The following MAGI2 variants were observed in gnomAD, a reference collection of about 807,000 sequenced individuals.
MAGI2 encodes membrane-associated guanylate kinase, WW and PDZ domain-containing protein 2.
A neutral mutation model predicts 133.3 loss-of-function variants in MAGI2; 35 were observed. The observed-to-expected ratio is 0.26, with a 90% confidence interval of 0.20 to 0.35. The LOEUF is 0.35. Ranked by LOEUF, MAGI2 falls within the 10% of genes least tolerant of loss-of-function variation. The probability of loss-of-function intolerance (pLI) is 1.00; values close to 1 mark genes in which losing one functional copy is unlikely to be tolerated. For missense variants in MAGI2, 1,636 were observed against 1,863.4 expected, an observed-to-expected ratio of 0.88 and a Z score of 2.25; for synonymous variants, 729 against 710.6, an observed-to-expected ratio of 1.03 and a Z score of -0.41.
At chr7:78,279,759 G>C (rs1011688149) in intron 9 of MAGI2, among the ~76,000 whole-genome samples, 44 of 152,242 alleles carry the variant, frequency 2.9e-4, no homozygotes, top group African/African-American at 1.1e-3. Flanking sequence ...CCTTCCCATT[G>C]AGGCTACAGT....
intron 1 of MAGI2, among the ~76,000 whole-genome samples, chr7:79,069,804 T>C (rs1319885328): frequency 6.6e-6 from 1 of 152,212 alleles, no homozygotes; most frequent in Non-Finnish European, 1.5e-5. Flanking sequence ...GGCCTGGTGG[T>C]GACAAAATCT....
chr7:78,703,755 T>C lies in MAGI2; in HGVS notation c.419-76516A>G, dbSNP rs191484982. Reference sequence around the variant, plus strand: ...ACTTAGTTTATATACCATGCCACCATGGGTTTATTGATTTGGTCTTTTTCT... The same window carrying C: ...ACTTAGTTTATATACCATGCCACCACGGGTTTATTGATTTGGTCTTTTTCT... On this transcript the variant is annotated intron_variant, in intron 2 of 21. Coordinates refer to ENST00000354212, the MANE Select transcript of MAGI2 (RefSeq NM_012301.4). 5.6e-4 allele frequency among the ~76,000 whole-genome samples: 85 copies of C among 152,120 alleles called. 1 individual carries two copies. The highest frequency in any genetic ancestry group is 1.8e-3 in the African/African-American group (74 of 41,528).
At chr7:79,387,310 A>C (rs1844260695) in intron 1 of MAGI2, among the ~76,000 whole-genome samples, 1 of 151,844 alleles carries the variant, frequency 6.6e-6, no homozygotes, top group Non-Finnish European at 1.5e-5. Flanking sequence ...TTCTGTGTAG[A>C]CCATAGTCAC....
At position 78,380,223 on chromosome 7, in the gene MAGI2, T is replaced by A. The variant is rs545812595; in HGVS notation, c.1046-11010A>T. On this transcript the variant is annotated intron_variant, in intron 6 of 21. Transcript: ENST00000354212. Reference sequence around the variant, plus strand: ...GTACAAAATAGACTATTTCTTTTTTTAAAAAAGCAAAATAAACACTAGCTA... The same window carrying A: ...GTACAAAATAGACTATTTCTTTTTTAAAAAAAGCAAAATAAACACTAGCTA... Among the ~76,000 whole-genome samples, 242 of 151,918 alleles carry A rather than the reference T, an allele frequency of 1.6e-3. 1 individual carries two copies. The highest frequency in any genetic ancestry group is 5.3e-3 in the African/African-American group (220 of 41,460).
chr7:78,129,535 A>G (rs1279679400), intron 18 of MAGI2, among the ~76,000 whole-genome samples: 1 of 152,264 alleles, frequency 6.6e-6, no homozygotes, highest in Non-Finnish European at 1.5e-5. Context: ...GAGATTTTAG[A>G]AATGATAAAA....
At chr7:78,198,288 T>C (rs1450736377) in intron 11 of MAGI2, among the ~76,000 whole-genome samples, 1 of 152,196 alleles carries the variant, frequency 6.6e-6, no homozygotes, top group African/African-American at 2.4e-5. Flanking sequence ...GAGAGAAGTC[T>C]GTATCTCTTG....
At chr7:79,447,496 T>C (rs1482148313) in intron 1 of MAGI2, among the ~76,000 whole-genome samples, 3 of 152,052 alleles carry the variant, frequency 2.0e-5, no homozygotes, top group Non-Finnish European at 4.4e-5. Context: ...GATGTTTCCA[T>C]TGAACTGTAA....
chr7:78,609,704 C>T (rs1289540375), intron 3 of MAGI2, among the ~76,000 whole-genome samples: 1 of 152,154 alleles, frequency 6.6e-6, no homozygotes, highest in Non-Finnish European at 1.5e-5. Context: ...CTGGATTGGG[C>T]TGATGTAGTT....
At chr7:78,929,705 C>A (rs1339537488) in intron 2 of MAGI2, among the ~76,000 whole-genome samples, 1 of 152,034 alleles carries the variant, frequency 6.6e-6, no homozygotes, top group Non-Finnish European at 1.5e-5. Context: ...ACATCAGTCT[C>A]ACCCAGATAA....
intron 1 of MAGI2, among the ~76,000 whole-genome samples, chr7:79,316,321 T>A (rs1294468951): frequency 6.6e-6 from 1 of 152,220 alleles, no homozygotes; most frequent in Non-Finnish European, 1.5e-5. Flanking sequence ...AAATAAATGA[T>A]ATTTTATAGA....
chr7:79,317,013 CTTTTTCTTTTTTTTTTTT>C, intron 1 of MAGI2, among the ~76,000 whole-genome samples: 1 of 122,674 alleles, frequency 8.2e-6, no homozygotes, highest in Non-Finnish European at 1.7e-5. Flanking sequence ...TTTTTTTTTT[CTTTTTCTTTTTTTTTTTT>C]TTTTTTTTGA....
chr7:78,304,396 T>C (rs369616377), intron 9 of MAGI2, among the ~76,000 whole-genome samples: 2 of 152,358 alleles, frequency 1.3e-5, no homozygotes, highest in East Asian at 1.9e-4. Context: ...CTGATAGTTG[T>C]GTGGCTTGCT....
chr7:78,176,199 T>A (rs1392968359), intron 14 of MAGI2, among the ~76,000 whole-genome samples: 1 of 152,170 alleles, frequency 6.6e-6, no homozygotes, highest in Non-Finnish European at 1.5e-5. Flanking sequence ...AGTCTCTGAA[T>A]AAATTTAAGT....
intron 2 of MAGI2, among the ~76,000 whole-genome samples, chr7:78,723,751 A>T (rs1347129424): frequency 2.6e-5 from 4 of 152,160 alleles, no homozygotes; most frequent in African/African-American, 7.2e-5. Context: ...ACCAGGGAGT[A>T]CTGACTCTAT....
chr7:78,622,037 CTCTCTTGA>C (rs1807800074), intron 3 of MAGI2, among the ~76,000 whole-genome samples: 1 of 152,012 alleles, frequency 6.6e-6, no homozygotes, highest in Non-Finnish European at 1.5e-5. Context: ...TTATAAAGGA[CTCTCTTGA>C]TCTTTGTGAA....
At chr7:79,295,362 A>T (rs2129559193) in intron 1 of MAGI2, among the ~76,000 whole-genome samples, 1 of 152,264 alleles carries the variant, frequency 6.6e-6, no homozygotes, top group Middle Eastern at 3.4e-3. Context: ...CAAAATCAAG[A>T]CAAAAAGTGA....
At chr7:78,735,856 T>C (rs191635644) in intron 2 of MAGI2, among the ~76,000 whole-genome samples, 1 of 152,174 alleles carries the variant, frequency 6.6e-6, no homozygotes, top group African/African-American at 2.4e-5. Context: ...TAGCTTAATA[T>C]TAGAAATTTT....
At chr7:78,400,290 C>G (rs1429784896) in intron 6 of MAGI2, among the ~76,000 whole-genome samples, 1 of 152,166 alleles carries the variant, frequency 6.6e-6, no homozygotes, top group Admixed American at 6.5e-5. Flanking sequence ...AACTCAGCAG[C>G]AGCAGAAAAC....
At chr7:79,052,220 AAC>A (rs1812739071) in intron 1 of MAGI2, among the ~76,000 whole-genome samples, 2 of 152,176 alleles carry the variant, frequency 1.3e-5, no homozygotes, top group Admixed American at 1.3e-4. Flanking sequence ...AAAAACAAGC[AAC>A]ACACAGACAC....
Sources: allele counts gnomAD v4.1 joint callset (sites outside exome capture counted in the v4.1 genomes callset), GRCh38; gene constraint gnomAD v4.1.1; transcripts MANE v1.5; gene names NCBI Gene and HGNC (gene_info 2026-07-23, HGNC 2026-07-21).